Variants in NAALADL1 observed in about 807,000 individuals in gnomAD.
NAALADL1 encodes the protein N-acetylated alpha-linked acidic dipeptidase like 1, also known as aminopeptidase NAALADL1.
Under a neutral mutation model 82.8 loss-of-function variants are expected in NAALADL1, and 77 were observed. The ratio of observed to expected loss-of-function variants is 0.93; its 90% confidence interval spans 0.77 to 1.12. The LOEUF is 1.12. Ranked by LOEUF, NAALADL1 falls within the 50% of genes most tolerant of loss-of-function variation. The pLI is 0.00. For missense variants in NAALADL1, 956 were observed against 964.0 expected (o/e 0.99, Z 0.11); for synonymous variants, 358 against 399.2 (o/e 0.90, Z 1.23).
intron 13 of NAALADL1, 117 bp from the exon 14 acceptor site, chr11:65,046,643 G>T (rs1461369205): frequency 9.9e-7 from 1 of 1,009,542 alleles, no homozygotes; most frequent in Non-Finnish European, 1.5e-6. Context: ...ATGTCTGTGA[G>T]GTGGCTTCTA....
At chr11:65,055,885 C>CTTTTT (rs796440563) in intron 4 of NAALADL1, among the ~76,000 whole-genome samples, 2 of 135,458 alleles carry the variant, frequency 1.5e-5, no homozygotes, top group South Asian at 2.3e-4. Flanking sequence ...TTATGGACAC[C>CTTTTT]TTTTTTTTTT....
In NAALADL1 at chr11:65,046,428, C is replaced by T. The variant is rs760861075; in HGVS notation, c.1681+17G>A. 9 of 1,614,106 alleles carry T rather than the reference C, an allele frequency of 5.6e-6. No homozygotes were observed. In the South Asian group the frequency reaches 7.7e-5, roughly 14 times the overall value. ...CTCCTGTCCTGGTCTCAGGATGCCCCTTGTCTCCCTCCTCACCCGGGTCCA... is the reference window on the plus strand; with the variant it reads ...CTCCTGTCCTGGTCTCAGGATGCCCTTTGTCTCCCTCCTCACCCGGGTCCA... On this transcript the variant is annotated intron_variant, in intron 14 of 17. Coordinates refer to ENST00000358658, the MANE Select transcript of NAALADL1 (RefSeq NM_005468.3).
rs1473727134 is a variant in NAALADL1, at chr11:65,053,861, G to A, written c.993-285C>T. ...TCTCCTGAGTGAGACAGACCAGGAG[G>A]ACAGGAACAGCTGGGTGAAGGGGCC... On this transcript the variant is annotated intron_variant, in intron 6 of 17. Transcript: ENST00000358658. This position sits in a 1 kb window ranked among gnomAD's most constrained non-coding sequence, Gnocchi z 4.3. Among the ~76,000 whole-genome samples the A allele has an allele frequency of 6.6e-6, 1 of 152,212 alleles. No individual in the cohort carries two copies. The highest frequency in any genetic ancestry group is 1.5e-5 in the Non-Finnish European group (1 of 68,032).
chr11:65,045,909 A>G lies in NAALADL1; in HGVS notation c.1949T>C (p.Leu650Pro). The G allele has an allele frequency of 1.2e-6, 2 of 1,614,024 alleles. No homozygotes were observed. Among genetic ancestry groups the G allele is most frequent in the South Asian group, 1.1e-5 (1 of 91,068 alleles). Residue 650 changes from leucine (L) to proline (P), a missense_variant, in exon 17 of 18, where the codon CTG (leucine) becomes CCG (proline). By Grantham distance (98) the Leu-to-Pro change is moderately conservative. Coordinates refer to ENST00000358658, the MANE Select transcript of NAALADL1 (RefSeq NM_005468.3). ...STLQKGSPDPLQVRMLNDQLM... is the reference protein window; with the variant it reads ...STLQKGSPDPPQVRMLNDQLM... ...CTGGTCATTGAGCATCCGGACCTGC[A>G]GGGGGCTGGTGGGGAGGCAGGAACT...
At chr11:65,057,014 G>T (rs569959999) in intron 4 of NAALADL1, among the ~76,000 whole-genome samples, 9 of 152,338 alleles carry the variant, frequency 5.9e-5, no homozygotes, top group South Asian at 4.1e-4. Context: ...ACAGCGCCCG[G>T]CCCCTAGTCA....
In NAALADL1 at chr11:65,053,313, TG is replaced by T; in HGVS notation, c.1102del (p.His368ThrfsTer30). On this transcript the variant is annotated frameshift_variant, in exon 8 of 18. Coordinates refer to ENST00000358658, the MANE Select transcript of NAALADL1 (RefSeq NM_005468.3). LOFTEE classifies it high-confidence loss of function. The surrounding 1 kb of genome is among the most constrained non-coding windows in gnomAD (Gnocchi z 4.3). ...EPDRYVLYGN[H>X]RDSWVHGAVD... ...AGCCCCGTGCACCCAGCTGTCTCGG[TG>T]GTTCCCATACAGCACGTAGCGATCT... 6.4e-7 allele frequency: 1 copy of T among 1,566,174 alleles called. No homozygotes were observed. Among genetic ancestry groups the T allele is most frequent in the Non-Finnish European group, 8.7e-7 (1 of 1,155,980 alleles).
rs969914755 is a variant in NAALADL1 at position 65,046,444 on chromosome 11, C to T, written c.1681+1G>A. ...AGGATGCCCCTTGTCTCCCTCCTCACCCGGGTCCAAAAACTTGTCCACATA... is the reference window on the plus strand; with the variant it reads ...AGGATGCCCCTTGTCTCCCTCCTCATCCGGGTCCAAAAACTTGTCCACATA... On this transcript the variant is annotated splice_donor_variant, in intron 14 of 17. Transcript: ENST00000358658. LOFTEE classifies it high-confidence loss of function. 14 of 1,614,066 alleles carry T rather than the reference C, an allele frequency of 8.7e-6. No individual in the cohort carries two copies. The highest frequency in any genetic ancestry group is 1.7e-5 in the Admixed American group (1 of 60,008).
In NAALADL1 at chr11:65,048,165, G is replaced by A. The variant is rs1430125800; in HGVS notation, c.1335C>T (p.Asp445=). ...QERTVAYINV[D]ISVFANATLR... is the part of the protein sequence containing the mutation. ...CCACCCACATACCAAACACCGAGAT[G>A]TCCACGTTGATGTAGGCCACCGTGC... The change falls in exon 10 of 18, where the codon GAC becomes GAT. Residue 445 remains aspartate, a synonymous_variant. Coordinates refer to ENST00000358658, the MANE Select transcript of NAALADL1 (RefSeq NM_005468.3). 4 of 1,613,842 alleles carry A rather than the reference G, an allele frequency of 2.5e-6. No individual in the cohort carries two copies. Among genetic ancestry groups the A allele is most frequent in the Non-Finnish European group, 3.4e-6 (4 of 1,179,966 alleles).
intron 17 of NAALADL1, 122 bp downstream of exon 17, chr11:65,045,700 C>T: frequency 9.6e-7 from 1 of 1,037,448 alleles, no homozygotes; most frequent in Non-Finnish European, 1.4e-6. Context: ...CTTACATTCC[C>T]ATCTTCTTCA....
rs754004605 is a variant in NAALADL1, at chr11:65,058,194, T to C, written c.242A>G (p.Gln81Arg). 1 of 1,613,812 alleles carries C rather than the reference T, an allele frequency of 6.2e-7. No individual in the cohort carries two copies. The highest frequency in any genetic ancestry group is 1.7e-5 in the Admixed American group (1 of 60,000). ...ASSPRDEDLV[Q>R]LLLQRWKDPE... ...GTCCTTCCAGCGCTGCAGCAGCAGC[T>C]GCACCAGGTCCTCATCCCGAGGGCT... The change falls in exon 2 of 18, where the codon CAG becomes CGG. Residue 81 changes from glutamine (Q) to arginine (R), a missense_variant. Gln to Arg is a conservative substitution (Grantham distance 43). Coordinates refer to ENST00000358658, the MANE Select transcript of NAALADL1 (RefSeq NM_005468.3).
At position 65,053,730 on chromosome 11, in the gene NAALADL1, C is replaced by T. The variant is rs937167648; in HGVS notation, c.993-154G>A. 2.0e-5 allele frequency among the ~76,000 whole-genome samples: 3 copies of T among 152,202 alleles called. No homozygotes were observed. The highest frequency in any genetic ancestry group is 7.2e-5 in the African/African-American group (3 of 41,442). On this transcript the variant is annotated intron_variant, in intron 6 of 17. Transcript: ENST00000358658. This position sits in a 1 kb window ranked among gnomAD's most constrained non-coding sequence, Gnocchi z 4.3. The stretch of plus-strand genomic sequence containing the variant: ...GAGAGGCAGCAAGGCTGGAGCCAGG[C>T]TCTCCTGCCTACTCGCTGGGTAGGT...
At position 65,046,053 on chromosome 11, in the gene NAALADL1, T is replaced by TA; in HGVS notation, c.1916dup (p.Ser640IlefsTer9). On this transcript the variant is annotated frameshift_variant, in exon 16 of 18. Transcript: ENST00000358658. LOFTEE classifies it high-confidence loss of function. The stretch of plus-strand genomic sequence containing the variant: ...CAGGGCTGCCCTTCTGCAGTGTTGA[T>TA]ATGCGTTGGCCCAAGGCTGCAGCTT... 1 of 1,614,054 alleles carries TA rather than the reference T, an allele frequency of 6.2e-7. No homozygotes were observed.
At chr11:65,057,847 A>T (rs1432013429) in intron 3 of NAALADL1, 28 bp downstream of exon 3, 3 of 1,611,958 alleles carry the variant, frequency 1.9e-6, no homozygotes, top group Non-Finnish European at 2.5e-6. Flanking sequence ...GAGCTGGGCC[A>T]GAGCAGTAGG....
Position 65,051,315 on chromosome 11 carries a change from CTTTTTTTTTTT to C in NAALADL1, c.1198+1892_1198+1902del, listed in dbSNP as rs10535126. The stretch of plus-strand genomic sequence containing the variant: ...AAGTCTCTCTCTCCTTTCTTTCTTT[CTTTTTTTTTTT>C]TTTTTTTTTTTTTTTTTTTTTTTTT... On this transcript the variant is annotated intron_variant, in intron 8 of 17. Transcript: ENST00000358658. Among the ~76,000 whole-genome samples, 440 of 59,564 alleles carry C rather than the reference CTTTTTTTTTTT, an allele frequency of 7.4e-3. 31 individuals are homozygous for C. In the East Asian group the frequency reaches 0.14, roughly 19 times the overall value. The allele number at this position is 59,564 out of a possible 152,430, so 39.1% of individuals were successfully genotyped here.
chr11:65,045,776 C>T, intron 17 of NAALADL1, 46 bp downstream of exon 17: 1 of 1,564,982 alleles, frequency 6.4e-7, no homozygotes. Context: ...GAGCCATTGT[C>T]CGGCCCCACC....
rs756142475 is a variant in NAALADL1, at chr11:65,058,221, G to T, written c.215C>A (p.Ser72Tyr). The T allele has an allele frequency of 1.2e-6, 2 of 1,613,680 alleles. No individual in the cohort carries two copies. Among genetic ancestry groups the T allele is most frequent in the Non-Finnish European group, 1.7e-6 (2 of 1,179,810 alleles). ...CACCAGGTCCTCATCCCGAGGGCTG[G>T]AGGCCAGGTGTGGCTCCCTGGAGAG... ...RELSREPHLASSPRDEDLVQL... is the reference protein window; with the variant it reads ...RELSREPHLAYSPRDEDLVQL... The change falls in exon 2 of 18, where the codon TCC (serine) becomes TAC (tyrosine). Residue 72 changes from serine to tyrosine, a missense_variant. Physicochemically the swap from Ser to Tyr is moderately radical, Grantham distance 144 (BLOSUM62 -2). Coordinates refer to ENST00000358658, the MANE Select transcript of NAALADL1 (RefSeq NM_005468.3).
Position 65,045,427 on chromosome 11 carries a change from G to T in NAALADL1, c.2067C>A (p.Ser689=). ...TGGATAGGCCCGGGAATGTGACTAC[G>T]GAGCCCGTGCGAGGTGCCCAGAGCA... The part of the protein sequence containing the change: ...SHVLWAPRTG[S]VVTFPGLSNA... The change falls in exon 18 of 18, where the codon TCC becomes TCA. Residue 689 remains serine (S), a synonymous_variant. Transcript: ENST00000358658. The T allele has an allele frequency of 6.2e-7, 1 of 1,612,180 alleles. No homozygotes were observed. The highest frequency in any genetic ancestry group is 1.1e-5 in the South Asian group (1 of 90,884).
Position 65,048,144 on chromosome 11 carries a change from C to T in NAALADL1, c.1348+8G>A, listed in dbSNP as rs754239207. The T allele has an allele frequency of 3.1e-6, 5 of 1,613,876 alleles. No individual in the cohort carries two copies. The highest frequency in any genetic ancestry group is 4.2e-6 in the Non-Finnish European group (5 of 1,179,998). On this transcript the variant is annotated splice_region_variant and intron_variant, in intron 10 of 17. Coordinates refer to ENST00000358658, the MANE Select transcript of NAALADL1 (RefSeq NM_005468.3). ...CTCCTCCCCTTTCCTGCCCCACCAC[C>T]CACATACCAAACACCGAGATGTCCA...
intron 8 of NAALADL1, among the ~76,000 whole-genome samples, chr11:65,052,650 C>T (rs1300148025): frequency 6.6e-6 from 1 of 152,190 alleles, no homozygotes; most frequent in Non-Finnish European, 1.5e-5. Flanking sequence ...ATGTCCCTCT[C>T]CTGCGTGAAA....
Sources: gnomAD v4.1 joint callset for allele counts (sites outside exome capture counted in the v4.1 genomes callset) on GRCh38, gnomAD v4.1.1 for gene constraint, Gnocchi (gnomAD v3.1) non-coding constraint, MANE v1.5 for transcripts, NCBI Gene and HGNC (gene_info 2026-07-23, HGNC 2026-07-21) for gene names.